The following CLUL1 variants were observed in gnomAD, a reference collection of about 807,000 sequenced individuals.
CLUL1 encodes clusterin like 1, also known as clusterin-like protein 1.
Under a neutral mutation model 49.4 loss-of-function variants are expected in CLUL1, and 43 were observed. The observed-to-expected ratio is 0.87, with a 90% CI of 0.68 to 1.12. CLUL1 has a LOEUF of 1.12. CLUL1 is among the 50% of genes most tolerant of loss of function. The pLI, the probability that CLUL1 is intolerant of heterozygous loss-of-function variation, is 0.00. For missense variants in CLUL1, 486 were observed against 544.4 expected, an observed-to-expected ratio of 0.89 and a Z score of 1.07; for synonymous variants, 192 against 184.9, an observed-to-expected ratio of 1.04 and a Z score of -0.31.
chr18:633,195 A>C (rs2074036181), intron 6 of CLUL1, 103 bp from the exon 7 acceptor site: 1 of 918,246 alleles, frequency 1.1e-6, no homozygotes, highest in African/African-American at 1.7e-5. Flanking sequence ...ATATAGGAAA[A>C]AGATTTTGAA....
At chr18:617,744 C>T (rs1044671279) in intron 2 of CLUL1, among the ~76,000 whole-genome samples, 3 of 150,258 alleles carry the variant, frequency 2.0e-5, no homozygotes, top group African/African-American at 7.3e-5. Context: ...GTTTCAAGTA[C>T]TTCACATGGC....
intron 9 of CLUL1, 94 bp downstream of exon 9, chr18:645,191 C>A: frequency 1.1e-6 from 1 of 894,040 alleles, no homozygotes; most frequent in African/African-American, 1.7e-5. Context: ...ACCTGGAAAA[C>A]ATGTTTAACC....
intron 9 of CLUL1, among the ~76,000 whole-genome samples, chr18:645,810 A>AAT (rs35329822): frequency 0.029 from 875 of 29,774 alleles, 32 homozygotes; most frequent in Non-Finnish European, 0.033. Flanking sequence ...AAAAAAAAAA[A>AAT]ATATATATAT....
At chr18:609,143 C>A (rs955921040) in intron 2 of CLUL1, among the ~76,000 whole-genome samples, 1 of 152,080 alleles carries the variant, frequency 6.6e-6, no homozygotes, top group Non-Finnish European at 1.5e-5. Context: ...ATACACGTAG[C>A]CTGAAGGTAA....
intron 2 of CLUL1, among the ~76,000 whole-genome samples, chr18:615,360 G>GA (rs1184584760): frequency 2.0e-5 from 3 of 152,168 alleles, no homozygotes; most frequent in African/African-American, 2.4e-5. Flanking sequence ...ATGGATTAAA[G>GA]AAAAAAATCT....
rs566770737 is a variant in CLUL1, at chr18:623,066, C to A, written c.256-1799C>A. Among the ~76,000 whole-genome samples, 100 of 148,836 alleles carry A rather than the reference C, an allele frequency of 6.7e-4. 2 individuals are homozygous for A. Among genetic ancestry groups the A allele is most frequent in the Non-Finnish European group, 4.4e-5 (3 of 67,464 alleles). On this transcript the variant is annotated intron_variant, in intron 4 of 9. Coordinates refer to ENST00000692774, the MANE Select transcript of CLUL1 (RefSeq NM_001393344.1). ...TTTTTTTTTGAGACAGAGTCTTACT[C>A]TTGTTGCCCAGGCTAAAGGACAATG... is the stretch of plus-strand genomic sequence containing the variant.
intron 8 of CLUL1, 41 bp from the exon 9 acceptor site, chr18:644,869 G>C: frequency 2.7e-6 from 4 of 1,480,310 alleles, no homozygotes; most frequent in Non-Finnish European, 3.7e-6. Context: ...AATGTGTATT[G>C]GGATTTAGTA....
At chr18:638,522 A>C (rs2074225437) in intron 7 of CLUL1, among the ~76,000 whole-genome samples, 1 of 151,170 alleles carries the variant, frequency 6.6e-6, no homozygotes, top group Non-Finnish European at 1.5e-5. Context: ...ATGCTGCTTA[A>C]AACTGTTATT....
intron 7 of CLUL1, among the ~76,000 whole-genome samples, chr18:639,069 A>C (rs2074247767): frequency 6.6e-6 from 1 of 152,222 alleles, no homozygotes; most frequent in African/African-American, 2.4e-5. Flanking sequence ...TGCCGATATC[A>C]TACATAGCAA....
chr18:633,303 G>C lies in CLUL1; in HGVS notation c.862G>C (p.Asp288His). 1 of 1,611,548 alleles carries C rather than the reference G, an allele frequency of 6.2e-7. No homozygotes were observed. Among genetic ancestry groups the C allele is most frequent in the Non-Finnish European group, 8.5e-7 (1 of 1,178,776 alleles). Reference sequence around the variant, plus strand: ...AAATGTTATGTTCCCTGTAGCTCCTGACCACGGAGGCCTGATTTCAAAGAT... The same window carrying C: ...AAATGTTATGTTCCCTGTAGCTCCTCACCACGGAGGCCTGATTTCAAAGAT... ...EDLPKQDKAP[D>H]HGGLISKMLP... Residue 288 changes from aspartate to histidine, a missense_variant, in exon 7 of 10, where the codon GAC becomes CAC. Asp to His is a moderately conservative substitution (Grantham distance 81). Coordinates refer to ENST00000692774, the MANE Select transcript of CLUL1 (RefSeq NM_001393344.1).
intron 4 of CLUL1, among the ~76,000 whole-genome samples, chr18:623,554 A>G (rs1438709408): frequency 6.7e-6 from 1 of 149,426 alleles, no homozygotes; most frequent in African/African-American, 2.5e-5. Context: ...CTGAGGCAGG[A>G]GAATCTCTTA....
At chr18:609,548 G>A (rs930381336) in intron 2 of CLUL1, among the ~76,000 whole-genome samples, 18 of 152,094 alleles carry the variant, frequency 1.2e-4, no homozygotes, top group African/African-American at 4.3e-4. Flanking sequence ...GATTGGCCAG[G>A]CATGGTGGCT....
Position 644,895 on chromosome 18 carries a change from A to G in CLUL1, c.1210-15A>G. The G allele has an allele frequency of 1.3e-6, 2 of 1,592,962 alleles. No homozygotes were observed. Among genetic ancestry groups the G allele is most frequent in the Non-Finnish European group, 1.7e-6 (2 of 1,165,124 alleles). On this transcript the variant is annotated splice_polypyrimidine_tract_variant and intron_variant, in intron 8 of 9. Coordinates refer to ENST00000692774, the MANE Select transcript of CLUL1 (RefSeq NM_001393344.1). ...GGATTTAGTAAACTTCTACTGTATA[A>G]TCCTTCTTCTGTAGGTAGTTCCAAG... is the stretch of plus-strand genomic sequence containing the variant.
In CLUL1 at chr18:645,114, G is replaced by GA; in HGVS notation, c.1397+17_1397+18insA. The stretch of plus-strand genomic sequence containing the variant: ...TAAAACCTGGTAAGCAGAGTGCCTG[G>GA]TTAGGAATGCCTTGTTGACAGGAAT... On this transcript the variant is annotated intron_variant, in intron 9 of 9. Coordinates refer to ENST00000692774, the MANE Select transcript of CLUL1 (RefSeq NM_001393344.1). 1 of 1,555,182 alleles carries GA rather than the reference G, an allele frequency of 6.4e-7. No homozygotes were observed.
At chr18:629,318 A>T (rs1038622390) in intron 6 of CLUL1, among the ~76,000 whole-genome samples, 2 of 152,226 alleles carry the variant, frequency 1.3e-5, no homozygotes, top group Admixed American at 1.3e-4. Flanking sequence ...AAGTGATTTT[A>T]GCCTGACTGT....
intron 2 of CLUL1, among the ~76,000 whole-genome samples, chr18:609,761 T>C (rs1391507596): frequency 6.8e-6 from 1 of 148,116 alleles, no homozygotes; most frequent in Non-Finnish European, 1.5e-5. Context: ...GAGGCAGAGG[T>C]TGCAGAGAGC....
At chr18:602,462 C>G (rs182578903) in intron 1 of CLUL1, among the ~76,000 whole-genome samples, 13 of 152,302 alleles carry the variant, frequency 8.5e-5, no homozygotes, top group African/African-American at 3.1e-4. Context: ...GGCTGTTCCT[C>G]TGCAATTGCA....
intron 1 of CLUL1, among the ~76,000 whole-genome samples, chr18:605,378 C>T (rs530786176): frequency 2.1e-4 from 32 of 151,952 alleles, no homozygotes; most frequent in Non-Finnish European, 4.0e-4. Context: ...CTGTAATCTC[C>T]GCACTTTGGG....
chr18:647,410 A>G (rs1049467775), intron 9 of CLUL1, among the ~76,000 whole-genome samples: 1 of 152,088 alleles, frequency 6.6e-6, no homozygotes, highest in African/African-American at 2.4e-5. Context: ...AAAGAAATGG[A>G]TGGATACCGA....
Sources: allele counts gnomAD v4.1 joint callset (sites outside exome capture counted in the v4.1 genomes callset), GRCh38; gene constraint gnomAD v4.1.1; transcripts MANE v1.5; gene names NCBI Gene and HGNC (gene_info 2026-07-23, HGNC 2026-07-21).